The following SASH1 variants were observed in gnomAD, a reference collection of about 807,000 sequenced individuals.
SASH1 encodes the protein SAM and SH3 domain containing 1.
In SASH1, 44 loss-of-function variants were observed where a neutral mutation model predicts 125.2. That is an observed-to-expected ratio of 0.35 (90% CI 0.28 to 0.45). SASH1 has a LOEUF of 0.45. SASH1 is among the 20% of genes least tolerant of loss of function. The probability of loss-of-function intolerance (pLI) is 1.00; values close to 1 mark genes in which losing one functional copy is unlikely to be tolerated. For synonymous variants in SASH1, 639 were observed against 649.1 expected (o/e 0.98, Z 0.24); for missense variants, 1,426 against 1,614.5 (o/e 0.88, Z 2.00).
intron 1 of SASH1, among the ~76,000 whole-genome samples, chr6:148,357,871 C>T (rs968300529): frequency 6.6e-5 from 10 of 151,836 alleles, no homozygotes; most frequent in African/African-American, 2.4e-4. Flanking sequence ...ACCAACCTGA[C>T]CAATATGATG....
At chr6:148,272,920 G>A (rs1165848659) in intron 1 of SASH1, among the ~76,000 whole-genome samples, 5 of 152,058 alleles carry the variant, frequency 3.3e-5, no homozygotes, top group East Asian at 1.9e-4. Context: ...TGTGGAAATC[G>A]TATTCTACAG....
chr6:148,544,929 CA>C lies in SASH1; in HGVS notation c.3348+112del. On this transcript the variant is annotated intron_variant, in intron 18 of 19. Transcript: ENST00000367467. The surrounding 1 kb of genome is among the most constrained non-coding windows in gnomAD (Gnocchi z 6.4). The stretch of plus-strand genomic sequence containing the variant: ...CCAGCCCGGTAGCCCGCCCAGTGGA[CA>C]GGAGACACCTGAATCCACGTGTCCA... The C allele has an allele frequency of 5.0e-6, 5 of 1,004,250 alleles. No homozygotes were observed. Among genetic ancestry groups the C allele is most frequent in the Non-Finnish European group, 7.1e-6 (5 of 700,770 alleles). The allele number at this position is 1,004,250 out of a possible 1,614,324, so 62.2% of individuals were successfully genotyped here. A position where few individuals can be genotyped will look rare whatever the true frequency, so the allele number is the denominator to read the frequency against.
chr6:148,279,242 C>T (rs181194250), intron 1 of SASH1, among the ~76,000 whole-genome samples: 13 of 152,226 alleles, frequency 8.5e-5, no homozygotes, highest in Admixed American at 4.6e-4. Context: ...CCGCCTACCT[C>T]GGCCCCCAAA....
At chr6:148,364,501 C>T (rs1016156816) in intron 1 of SASH1, among the ~76,000 whole-genome samples, 1 of 151,622 alleles carries the variant, frequency 6.6e-6, no homozygotes, top group East Asian at 1.9e-4. Flanking sequence ...AGTGTAGACT[C>T]CTAACTAATG....
At position 148,532,681 on chromosome 6, in the gene SASH1, C is replaced by T. The variant is rs1270887816; in HGVS notation, c.1565-116C>T. On this transcript the variant is annotated intron_variant, in intron 13 of 19. Coordinates refer to ENST00000367467, the MANE Select transcript of SASH1 (RefSeq NM_015278.5). The surrounding 1 kb of genome is among the most constrained non-coding windows in gnomAD (Gnocchi z 4.7). ...CTGGTCCTGACAGAGGGTTGTGGCTCAAGGCTTCCTTTCTCTGGGCCTTCA... is the reference window on the plus strand; with the variant it reads ...CTGGTCCTGACAGAGGGTTGTGGCTTAAGGCTTCCTTTCTCTGGGCCTTCA... The T allele has an allele frequency of 7.9e-7, 1 of 1,259,136 alleles. No homozygotes were observed. Among genetic ancestry groups the T allele is most frequent in the East Asian group, 2.3e-5 (1 of 42,854 alleles). The allele number at this position is 1,259,136 out of a possible 1,614,324, so 78.0% of individuals were successfully genotyped here.
In SASH1 at chr6:148,440,239, G is replaced by T. The variant is rs1340120899; in HGVS notation, c.336+5G>T. 3 of 1,613,974 alleles carry T rather than the reference G, an allele frequency of 1.9e-6. No individual in the cohort carries two copies. In the Admixed American group the frequency reaches 5.0e-5, roughly 27 times the overall value. On this transcript the variant is annotated splice_donor_5th_base_variant and intron_variant, in intron 3 of 19. Coordinates refer to ENST00000367467, the MANE Select transcript of SASH1 (RefSeq NM_015278.5). ...CAGCTGCGGTCCCAGATCGAAGTAA[G>T]CACAATGACTTTAATCATCTAGTTT...
At chr6:148,301,693 C>T (rs1001778008) in intron 1 of SASH1, among the ~76,000 whole-genome samples, 3 of 151,908 alleles carry the variant, frequency 2.0e-5, no homozygotes, top group Non-Finnish European at 4.4e-5. Flanking sequence ...TTCCTTTCAC[C>T]TCCGTCCCCC....
At chr6:148,202,098 T>C in the SASH1 span, among the ~76,000 whole-genome samples, 5 of 151,884 alleles carry the variant, frequency 3.3e-5, no homozygotes, top group African/African-American at 1.2e-4. Flanking sequence ...TGCAGCAGGG[T>C]GGTCAAGCAA....
chr6:148,343,611 T>C (rs1355961834), intron 1 of SASH1, among the ~76,000 whole-genome samples: 1 of 152,236 alleles, frequency 6.6e-6, no homozygotes, highest in African/African-American at 2.4e-5. Context: ...ATTTGTTGTG[T>C]GACCACAAGA....
chr6:148,481,967 A>G (rs1235439152), intron 7 of SASH1, among the ~76,000 whole-genome samples: 1 of 152,246 alleles, frequency 6.6e-6, no homozygotes, highest in Non-Finnish European at 1.5e-5. Context: ...GAAGCTCAGT[A>G]AAATGAGGTG....
rs371355854 is a variant in SASH1 at position 148,532,847 on chromosome 6, G to A, written c.1615G>A (p.Val539Ile). The A allele has an allele frequency of 4.5e-5, 72 of 1,614,230 alleles. 1 individual carries two copies. Among genetic ancestry groups the A allele is most frequent in the South Asian group, 3.1e-4 (28 of 91,082 alleles). ...TTCCTCAACCAGCAACCGGGAAAGCGTCAAGTCGGAAGATGGGGATGACGA... is the reference window on the plus strand; with the variant it reads ...TTCCTCAACCAGCAACCGGGAAAGCATCAAGTCGGAAGATGGGGATGACGA... ...TDSSTSNRES[V>I]KSEDGDDEEP... The change falls in exon 14 of 20, where the codon GTC (valine) becomes ATC (isoleucine). Residue 539 changes from valine (V) to isoleucine (I), a missense_variant. Transcript: ENST00000367467. The surrounding 1 kb of genome is among the most constrained non-coding windows in gnomAD (Gnocchi z 4.7).
At chr6:148,440,487 G>A (rs779148167) in intron 4 of SASH1, 80 bp downstream of exon 4, 100 of 1,162,710 alleles carry the variant, frequency 8.6e-5, no homozygotes, top group Non-Finnish European at 1.2e-4. Context: ...TCAAACAGGC[G>A]ATCATGTGCG....
rs200194284 is a variant in SASH1 at position 148,314,700 on chromosome 6, G to A, written n.74+42323G>A. Among the ~76,000 whole-genome samples, 15 of 152,060 alleles carry A rather than the reference G, an allele frequency of 9.9e-5. No individual in the cohort carries two copies. In the East Asian group the frequency reaches 2.5e-3, roughly 25 times the overall value. On this transcript the variant is annotated intron_variant and non_coding_transcript_variant, in intron 1 of 3. Transcript: ENST00000367469. ...AGTTCAAGAGGAGGGACAAGAACGAGAAGGTGGGTTTAGAATTCCTTTTGC... is the reference window on the plus strand; with the variant it reads ...AGTTCAAGAGGAGGGACAAGAACGAAAAGGTGGGTTTAGAATTCCTTTTGC...
intron 1 of SASH1, among the ~76,000 whole-genome samples, chr6:148,299,499 T>C (rs1779875017): frequency 6.6e-6 from 1 of 151,964 alleles, no homozygotes; most frequent in African/African-American, 2.4e-5. Context: ...AAACCTCATG[T>C]CTGCTAAAGA....
chr6:148,381,646 G>C (rs1301019956), intron 1 of SASH1, among the ~76,000 whole-genome samples: 1 of 28,582 alleles, frequency 3.5e-5, no homozygotes, highest in Non-Finnish European at 6.7e-5. Flanking sequence ...TTTTTTTTGA[G>C]ACAGAGTCTT....
At chr6:148,353,434 GATT>G (rs1781811112) in intron 1 of SASH1, among the ~76,000 whole-genome samples, 1 of 99,302 alleles carries the variant, frequency 1.0e-5, no homozygotes, top group African/African-American at 3.4e-5. Flanking sequence ...ATTTAAGATT[GATT>G]TTTTTTTTTT....
intron 1 of SASH1, among the ~76,000 whole-genome samples, chr6:148,305,893 G>A (rs1780117206): frequency 6.6e-6 from 1 of 152,116 alleles, no homozygotes; most frequent in Admixed American, 6.6e-5. Flanking sequence ...GAACGTTTAT[G>A]TTTTAGAATA....
chr6:148,199,180 G>A, the SASH1 span, among the ~76,000 whole-genome samples: 7 of 152,096 alleles, frequency 4.6e-5, no homozygotes, highest in Admixed American at 2.0e-4. Flanking sequence ...TCAGGAGTTC[G>A]AGACCAGCTT....
chr6:148,435,032 T>C (rs1776235950), intron 2 of SASH1, among the ~76,000 whole-genome samples: 1 of 108,232 alleles, frequency 9.2e-6, no homozygotes, highest in Non-Finnish European at 1.9e-5. Context: ...TAACGAGACT[T>C]GTCTCTATTG....
Sources: gnomAD v4.1 joint callset for allele counts (sites outside exome capture counted in the v4.1 genomes callset) on GRCh38, gnomAD v4.1.1 for gene constraint, Gnocchi (gnomAD v3.1) non-coding constraint, MANE v1.5 for transcripts, NCBI Gene and HGNC (gene_info 2026-07-23, HGNC 2026-07-21) for gene names.